Variants in KIFC3 observed in about 807,000 individuals in gnomAD.
KIFC3 encodes kinesin-like protein KIFC3.
KIFC3 carries 60 observed loss-of-function variants against 101.8 expected under a neutral mutation model. That is an observed-to-expected ratio of 0.59 (90% confidence interval 0.48 to 0.73). KIFC3 has a LOEUF of 0.73. Among genes scored for constraint, KIFC3 ranks in the 30% least tolerant of loss-of-function variants. The pLI is 0.00. For synonymous variants in KIFC3, 476 were observed against 482.7 expected, an observed-to-expected ratio of 0.99 and a Z score of 0.18; for missense variants, 966 against 1,137.1, an observed-to-expected ratio of 0.85 and a Z score of 2.16.
rs782112387 is a variant in KIFC3 at position 57,770,542 on chromosome 16, C to T, written c.924G>A (p.Ala308=). 55 of 1,457,034 alleles carry T rather than the reference C, an allele frequency of 3.8e-5. No individual in the cohort carries two copies. The Middle Eastern group carries it at 2.0e-3, about 52-fold the overall frequency. The allele number at this position is 1,457,034 out of a possible 1,614,324, so 90.3% of individuals were successfully genotyped here. A position where few individuals can be genotyped will look rare whatever the true frequency, so the allele number is the denominator to read the frequency against. The change falls in exon 7 of 20, where the codon GCG becomes GCA. Residue 308 remains alanine, a synonymous_variant. Coordinates refer to ENST00000445690, the MANE Select transcript of KIFC3 (RefSeq NM_001130100.2). Reference sequence around the variant, plus strand: ...GCCTGGGTACCTGCGCCCGGAGCCGCGCGGTCAGCTGGTGTGAGCTCTGCA... The same window carrying T: ...GCCTGGGTACCTGCGCCCGGAGCCGTGCGGTCAGCTGGTGTGAGCTCTGCA... The part of the protein sequence containing the change: ...QQLQSSHQLT[A]RLRAQIAMYE...
In KIFC3 at chr16:57,758,849, A is replaced by G; in HGVS notation, c.*85T>C. 1 of 1,609,178 alleles carries G rather than the reference A, an allele frequency of 6.2e-7. No individual in the cohort carries two copies. The highest frequency in any genetic ancestry group is 8.5e-7 in the Non-Finnish European group (1 of 1,177,756). On this transcript the variant is annotated 3_prime_UTR_variant, in exon 20 of 20. Transcript: ENST00000445690. Reference sequence around the variant, plus strand: ...GCGCTGCAGCAGGGACAGGCCAGTGAGGGCCCAGCTTCAGGCCCAGCGGGG... The same window carrying G: ...GCGCTGCAGCAGGGACAGGCCAGTGGGGGCCCAGCTTCAGGCCCAGCGGGG...
At chr16:57,790,886 C>G (rs1948218295) in intron 3 of KIFC3, 1 of 984,984 alleles carries the variant, frequency 1.0e-6, no homozygotes, top group African/African-American at 1.7e-5. Flanking sequence ...CCCTCCCTCT[C>G]TCGACCCAGA....
chr16:57,796,233 A>C (rs1247286708), intron 2 of KIFC3, among the ~76,000 whole-genome samples: 3 of 152,186 alleles, frequency 2.0e-5, no homozygotes, highest in Admixed American at 2.0e-4. Context: ...TGTCAATAAA[A>C]TGGGGACAAC....
chr16:57,787,145 G>A (rs781886239), intron 3 of KIFC3, among the ~76,000 whole-genome samples: 7 of 152,272 alleles, frequency 4.6e-5, no homozygotes, highest in African/African-American at 1.2e-4. Context: ...TGAGCAGCAC[G>A]TGACCAGCGT....
Position 57,813,739 on chromosome 16 carries a change from A to T in KIFC3, c.109-15457T>A, listed in dbSNP as rs2055149966. On this transcript the variant is annotated intron_variant, in intron 1 of 2. Coordinates refer to the KIFC3 transcript ENST00000563028. The stretch of plus-strand genomic sequence containing the variant: ...CACCACTCATGCAGGTGGGCTTGGC[A>T]TCCTCACAGCCTCTGCAGCACGTGC... 3.0e-6 allele frequency: 3 copies of T among 985,290 alleles called. No individual in the cohort carries two copies. The South Asian group carries it at 1.4e-4, about 46-fold the overall frequency. The allele number at this position is 985,290 out of a possible 1,614,324, so 61.0% of individuals were successfully genotyped here. A position where few individuals can be genotyped will look rare whatever the true frequency, so the allele number is the denominator to read the frequency against.
intron 1 of KIFC3, among the ~76,000 whole-genome samples, chr16:57,843,586 G>A (rs563309604): frequency 5.5e-4 from 84 of 152,200 alleles, no homozygotes; most frequent in Non-Finnish European, 1.0e-3. Flanking sequence ...TGAGACAGGA[G>A]GATCACTTGA....
upstream of KIFC3, chr16:57,803,014 C>T: frequency 6.5e-7 from 1 of 1,535,914 alleles, no homozygotes; most frequent in Non-Finnish European, 8.7e-7. Flanking sequence ...GGCGCACATG[C>T]ACTCACACTG....
At chr16:57,812,126 C>T (rs1265245348) in intron 1 of KIFC3, among the ~76,000 whole-genome samples, 1 of 150,644 alleles carries the variant, frequency 6.6e-6, no homozygotes, top group Non-Finnish European at 1.5e-5. Context: ...ACTGGAGGCT[C>T]CATCCCCTAG....
chr16:57,787,964 G>A (rs538872177), intron 3 of KIFC3, among the ~76,000 whole-genome samples: 9 of 152,334 alleles, frequency 5.9e-5, no homozygotes, highest in African/African-American at 1.9e-4. Context: ...CCTAGAGGAT[G>A]CTGCTTCCCC....
intron 3 of KIFC3, chr16:57,790,836 G>A (rs908717542): frequency 1.2e-6 from 1 of 800,566 alleles, no homozygotes; most frequent in African/African-American, 1.8e-5. Flanking sequence ...GAAAAGACAA[G>A]AAAAGTGACA....
intron 9 of KIFC3, among the ~76,000 whole-genome samples, chr16:57,768,044 G>A (rs80196284): frequency 0.04 from 6,104 of 152,240 alleles, 248 homozygotes; most frequent in East Asian, 0.14. Context: ...GCTGGGTAGG[G>A]GCTGGGTGCA....
At position 57,795,155 on chromosome 16, in the gene KIFC3, G is replaced by C; in HGVS notation, c.173-14C>G. ...CTTTTCCACGCCCTGTCCCAGGACA[G>C]AGAGATAGGTGAGACACTCCGACCA... On this transcript the variant is annotated splice_polypyrimidine_tract_variant and intron_variant, in intron 2 of 19. Coordinates refer to ENST00000445690, the MANE Select transcript of KIFC3 (RefSeq NM_001130100.2). 1 of 1,605,862 alleles carries C rather than the reference G, an allele frequency of 6.2e-7. No homozygotes were observed. The highest frequency in any genetic ancestry group is 8.5e-7 in the Non-Finnish European group (1 of 1,176,750).
intron 1 of KIFC3, among the ~76,000 whole-genome samples, chr16:57,839,322 T>A (rs1006588479): frequency 2.0e-5 from 3 of 152,258 alleles, no homozygotes. Context: ...GGAGGATCCC[T>A]TGAGCTCAGG....
chr16:57,806,786 C>T (rs1046857946), upstream of KIFC3, among the ~76,000 whole-genome samples: 1 of 152,210 alleles, frequency 6.6e-6, no homozygotes, highest in Admixed American at 6.5e-5. Context: ...GGTAACAGAA[C>T]ATTTATTGAA....
intron 1 of KIFC3, among the ~76,000 whole-genome samples, chr16:57,851,906 T>C (rs901177962): frequency 9.2e-5 from 14 of 152,022 alleles, no homozygotes; most frequent in Non-Finnish European, 1.9e-4. Context: ...CACTGGCTAA[T>C]TTTTTTGTAT....
In KIFC3 at chr16:57,762,198, A is replaced by C; in HGVS notation, c.1690T>G (p.Ser564Ala). ...LLFSEVQEKA[S>A]DWEYTITVSA... ...ACGGTGATGGTGTACTCCCAGTCAGACGCCTTCTCCTGCACCTCGGAGAAG... is the reference window on the plus strand; with the variant it reads ...ACGGTGATGGTGTACTCCCAGTCAGCCGCCTTCTCCTGCACCTCGGAGAAG... The change falls in exon 13 of 20, where the codon TCT becomes GCT. Residue 564 changes from serine (S) to alanine (A), a missense_variant. By Grantham distance (99) the Ser-to-Ala change is moderately conservative. Coordinates refer to ENST00000445690, the MANE Select transcript of KIFC3 (RefSeq NM_001130100.2). 1 of 1,611,292 alleles carries C rather than the reference A, an allele frequency of 6.2e-7. No individual in the cohort carries two copies.
At chr16:57,838,752 G>A (rs2055748014) in intron 1 of KIFC3, among the ~76,000 whole-genome samples, 1 of 152,116 alleles carries the variant, frequency 6.6e-6, no homozygotes, top group South Asian at 2.1e-4. Flanking sequence ...TTCTTCACGG[G>A]TTTTGCCCTT....
chr16:57,783,661 C>T (rs902712238), intron 3 of KIFC3, among the ~76,000 whole-genome samples: 62 of 151,880 alleles, frequency 4.1e-4, no homozygotes, highest in African/African-American at 1.3e-3. Flanking sequence ...TTAGTAGAGA[C>T]GGGGTTTCAC....
At chr16:57,803,064 C>A, upstream of KIFC3, 1 of 1,535,198 alleles carries the variant, frequency 6.5e-7, no homozygotes, top group South Asian at 1.2e-5. Flanking sequence ...ACCACCTACT[C>A]GCTGGCCAGG....
Sources: allele counts gnomAD v4.1 joint callset (sites outside exome capture counted in the v4.1 genomes callset), GRCh38; gene constraint gnomAD v4.1.1; transcripts MANE v1.5; gene names NCBI Gene and HGNC (gene_info 2026-07-23, HGNC 2026-07-21).